YJU2B: variants seen among roughly 807,000 people sequenced by gnomAD.
The protein encoded by YJU2B is YJU2 splicing factor homolog B, also known as probable splicing factor YJU2B.
A neutral mutation model predicts 38.0 loss-of-function variants in YJU2B; 18 were observed. That is an observed-to-expected ratio of 0.47 (90% CI 0.33 to 0.70). The LOEUF is 0.70. Among genes scored for constraint, YJU2B ranks in the 30% least tolerant of loss-of-function variants. The pLI is 0.02. For missense variants in YJU2B, 538 were observed against 556.3 expected, an observed-to-expected ratio of 0.97 and a Z score of 0.33; for synonymous variants, 246 against 225.4, an observed-to-expected ratio of 1.09 and a Z score of -0.82.
Position 13,754,341 on chromosome 19 carries a change from AG to A in YJU2B, c.57+1del, listed in dbSNP as rs756876738. On this transcript the variant is annotated frameshift_variant and splice_region_variant, in exon 3 of 10. Coordinates refer to ENST00000221554, the MANE Select transcript of YJU2B (RefSeq NM_030818.4). LOFTEE classifies it high-confidence loss of function. ...TATCCTCCAGACTTCAACCCTGAGA[AG>A]GTAAGCAGGCTCTCCGCTCCAGGTC... is the stretch of plus-strand genomic sequence containing the variant. ...KYYPPDFNPE[K>X]HGSLNRYHNS... The A allele has an allele frequency of 6.2e-7, 1 of 1,613,172 alleles. No individual in the cohort carries two copies. The highest frequency in any genetic ancestry group is 1.7e-5 in the Admixed American group (1 of 60,024).
chr19:13,734,355 G>A (rs541412054), intron 2 of YJU2B, among the ~76,000 whole-genome samples: 4 of 150,762 alleles, frequency 2.7e-5, no homozygotes, highest in South Asian at 2.1e-4. Flanking sequence ...GCAATGGCAC[G>A]ATCTTCACTC....
chr19:13,748,748 TGAG>T (rs1411950979), intron 1 of YJU2B, among the ~76,000 whole-genome samples: 1 of 152,140 alleles, frequency 6.6e-6, no homozygotes, highest in Non-Finnish European at 1.5e-5. Flanking sequence ...ACCCAGCTGA[TGAG>T]GAGTGGAGCT....
intron 6 of YJU2B, among the ~76,000 whole-genome samples, chr19:13,758,125 C>T (rs1024352568): frequency 1.2e-4 from 19 of 152,172 alleles, no homozygotes; most frequent in African/African-American, 4.3e-4. Context: ...CTGGCCTCCT[C>T]GTTGTCCCTC....
upstream of YJU2B, among the ~76,000 whole-genome samples, chr19:13,744,767 G>A (rs1165534583): frequency 6.6e-6 from 1 of 152,154 alleles, no homozygotes; most frequent in Non-Finnish European, 1.5e-5. Flanking sequence ...GCCGAGACGG[G>A]CGGATCACGA....
upstream of YJU2B, among the ~76,000 whole-genome samples, chr19:13,743,841 C>T (rs1182245094): frequency 1.3e-5 from 2 of 150,282 alleles, no homozygotes; most frequent in Non-Finnish European, 2.9e-5. Flanking sequence ...TGCAGTGAGC[C>T]GAGACCACGC....
chr19:13,734,487 A>T (rs981626426), intron 2 of YJU2B, among the ~76,000 whole-genome samples: 1 of 151,916 alleles, frequency 6.6e-6, no homozygotes, highest in Non-Finnish European at 1.5e-5. Flanking sequence ...ACAGAGTTTC[A>T]CCATGTTGGC....
chr19:13,751,710 C>CTG lies in YJU2B; in HGVS notation c.-98_-97dup. 9.1e-6 allele frequency: 12 copies of CTG among 1,319,412 alleles called. No individual in the cohort carries two copies. The highest frequency in any genetic ancestry group is 1.3e-5 in the Non-Finnish European group (12 of 915,530). 81.7% of individuals were successfully genotyped at this position (1,319,412 alleles called of 1,614,324 possible). A position where few individuals can be genotyped will look rare whatever the true frequency, so the allele number is the denominator to read the frequency against. On this transcript the variant is annotated 5_prime_UTR_variant, in exon 2 of 10. Transcript: ENST00000221554. ...CTTCGCAGGGAAGCCTGTGGACCCT[C>CTG]TGCCAGGCTCCACAAGAGGTCAGGA...
upstream of YJU2B, among the ~76,000 whole-genome samples, chr19:13,744,245 A>G (rs1973173251): frequency 1.3e-5 from 2 of 152,154 alleles, no homozygotes; most frequent in Non-Finnish European, 2.9e-5. Flanking sequence ...GGATTAAGGA[A>G]GAGAAGCTTT....
chr19:13,762,685 G>C lies in YJU2B; in HGVS notation c.808G>C (p.Gly270Arg), dbSNP rs146563459. ...ATCCGCCTCCAGCAGCAAGGTCAGCGGCGTCCTGAAGAAGCTGGCACAGAG... is the reference window on the plus strand; with the variant it reads ...ATCCGCCTCCAGCAGCAAGGTCAGCCGCGTCCTGAAGAAGCTGGCACAGAG... ...PGSASSSKVS[G>R]VLKKLAQSRR... The change falls in exon 10 of 10, where the codon GGC (glycine) becomes CGC (arginine). Residue 270 changes from glycine (G) to arginine (R), a missense_variant. This residue lies in a region of YJU2B where 488 missense variants were observed against 469.5 expected (regional missense o/e 1.04). Coordinates refer to ENST00000221554, the MANE Select transcript of YJU2B (RefSeq NM_030818.4). 1 of 1,601,470 alleles carries C rather than the reference G, an allele frequency of 6.2e-7. No individual in the cohort carries two copies. Among genetic ancestry groups the C allele is most frequent in the Non-Finnish European group, 8.5e-7 (1 of 1,178,282 alleles).
Position 13,751,807 on chromosome 19 carries a change from A to G in YJU2B, c.-2A>G. ...GCTGAGGACCAGTAGGCAGCTCCCAAGATGGTGAGTAGACAGCCTCGTGTG... is the reference window on the plus strand; with the variant it reads ...GCTGAGGACCAGTAGGCAGCTCCCAGGATGGTGAGTAGACAGCCTCGTGTG... On this transcript the variant is annotated 5_prime_UTR_variant, in exon 2 of 10. Coordinates refer to ENST00000221554, the MANE Select transcript of YJU2B (RefSeq NM_030818.4). 1 of 1,614,100 alleles carries G rather than the reference A, an allele frequency of 6.2e-7. No individual in the cohort carries two copies. Among genetic ancestry groups the G allele is most frequent in the South Asian group, 1.1e-5 (1 of 91,082 alleles).
At chr19:13,736,051 C>CA (rs397972330) in intron 2 of YJU2B, among the ~76,000 whole-genome samples, 44,528 of 122,744 alleles carry the variant, frequency 0.36, 7,142 homozygotes, top group Middle Eastern at 0.56. Context: ...GACTCCGTCT[C>CA]AAAAAAAAAA....
At chr19:13,739,884 C>T (rs569652421) in intron 2 of YJU2B, among the ~76,000 whole-genome samples, 4 of 152,270 alleles carry the variant, frequency 2.6e-5, no homozygotes, top group Admixed American at 6.6e-5. Flanking sequence ...TGTCCTAATG[C>T]TCTTCCTCCC....
intron 3 of YJU2B, among the ~76,000 whole-genome samples, chr19:13,754,616 C>A (rs78533585): frequency 6.6e-6 from 1 of 152,066 alleles, no homozygotes; most frequent in African/African-American, 2.4e-5. Context: ...GGTCAGATCC[C>A]ATGGCTTCCC....
At chr19:13,736,749 C>T (rs903682381) in intron 2 of YJU2B, among the ~76,000 whole-genome samples, 1 of 151,852 alleles carries the variant, frequency 6.6e-6, no homozygotes, top group Admixed American at 6.6e-5. Context: ...GACAGGGTCT[C>T]GGCCAGGTGC....
Position 13,751,677 on chromosome 19 carries a change from C to A in YJU2B, c.-132C>A, listed in dbSNP as rs1324428924. The A allele has an allele frequency of 1.1e-6, 1 of 949,638 alleles. No individual in the cohort carries two copies. The highest frequency in any genetic ancestry group is 1.7e-6 in the Non-Finnish European group (1 of 595,186). 58.8% of individuals were successfully genotyped at this position (949,638 alleles called of 1,614,324 possible). On this transcript the variant is annotated 5_prime_UTR_variant, in exon 2 of 10. Coordinates refer to ENST00000221554, the MANE Select transcript of YJU2B (RefSeq NM_030818.4). ...TCTGAGCTGGCACCACCACACGGCC[C>A]ACGACATCTTCGCAGGGAAGCCTGT...
chr19:13,741,804 C>A (rs1032024114), intron 2 of YJU2B, among the ~76,000 whole-genome samples: 1 of 152,078 alleles, frequency 6.6e-6, no homozygotes, highest in African/African-American at 2.4e-5. Context: ...GAACCAAGGA[C>A]TTCCTAACTT....
At chr19:13,758,821 G>C in intron 6 of YJU2B, 47 bp from the exon 7 acceptor site, 1 of 1,603,398 alleles carries the variant, frequency 6.2e-7, no homozygotes, top group Non-Finnish European at 8.5e-7. Context: ...GGGCTGTCCT[G>C]GTGCACAGCC....
chr19:13,753,382 G>A (rs535307460), intron 2 of YJU2B, among the ~76,000 whole-genome samples: 1 of 152,176 alleles, frequency 6.6e-6, no homozygotes, highest in East Asian at 1.9e-4. Flanking sequence ...GACCAGCCTG[G>A]CCAATATGGT....
intron 1 of YJU2B, among the ~76,000 whole-genome samples, chr19:13,751,375 A>G (rs1240658476): frequency 6.6e-6 from 1 of 152,164 alleles, no homozygotes; most frequent in African/African-American, 2.4e-5. Flanking sequence ...AGATCGCGCC[A>G]CTGCACTCCA....
Sources: allele counts gnomAD v4.1 joint callset (sites outside exome capture counted in the v4.1 genomes callset), GRCh38; gene constraint gnomAD v4.1.1; regional missense constraint gnomAD v4.1.1; transcripts MANE v1.5; gene names NCBI Gene and HGNC (gene_info 2026-07-23, HGNC 2026-07-21).